DRD5: variants seen among roughly 807,000 people sequenced by gnomAD.
DRD5 encodes dopamine receptor D5, also known as D(1B) dopamine receptor.
For missense variants in DRD5, 758 were observed against 657.8 expected (o/e 1.15, Z -1.67); for synonymous variants, 327 against 277.1 (o/e 1.18, Z -1.79).
At position 9,782,253 on chromosome 4, in the gene DRD5, T is replaced by C. The variant is rs151282040; in HGVS notation, c.224T>C (p.Met75Thr). ...IVRSRHLRAN[M>T]TNVFIVSLAV... is the part of the protein sequence containing the mutation. Reference sequence around the variant, plus strand: ...CGGAGCCGCCACCTGCGCGCCAACATGACCAACGTCTTCATCGTGTCTCTG... The same window carrying C: ...CGGAGCCGCCACCTGCGCGCCAACACGACCAACGTCTTCATCGTGTCTCTG... The change falls in exon 1 of 1, where the codon ATG becomes ACG. Residue 75 changes from methionine to threonine, a missense_variant. Physicochemically the swap from Met to Thr is moderately conservative, Grantham distance 81. Transcript: ENST00000304374. 1,648 of 1,613,618 alleles carry C rather than the reference T, an allele frequency of 1.0e-3. 5 individuals are homozygous for C. The highest frequency in any genetic ancestry group is 6.1e-3 in the Middle Eastern group (36 of 5,888).
At position 9,781,972 on chromosome 4, in the gene DRD5, G is replaced by A. The variant is rs990837435; in HGVS notation, c.-58G>A. On this transcript the variant is annotated 5_prime_UTR_variant, in exon 1 of 1. An upstream open reading frame in the 5' UTR gains an earlier in-frame stop. Transcript: ENST00000304374. ...TCGGGGTGCCCGATGGGGCTGCCTGGGGGTCGCAGGGCTGAAGTTGGGACC... is the reference window on the plus strand; with the variant it reads ...TCGGGGTGCCCGATGGGGCTGCCTGAGGGTCGCAGGGCTGAAGTTGGGACC... The A allele has an allele frequency of 4.0e-5, 54 of 1,359,346 alleles. No homozygotes were observed. In the African/African-American group the frequency reaches 7.7e-4, roughly 19 times the overall value. The allele number at this position is 1,359,346 out of a possible 1,614,324, so 84.2% of individuals were successfully genotyped here.
rs541886645 is a variant in DRD5, at chr4:9,782,369, G to A, written c.340G>A (p.Asp114Asn). The A allele has an allele frequency of 3.6e-5, 58 of 1,614,056 alleles. No individual in the cohort carries two copies. The highest frequency in any genetic ancestry group is 4.7e-5 in the Non-Finnish European group (56 of 1,179,884). The change falls in exon 1 of 1, where the codon GAC becomes AAC. Residue 114 changes from aspartate (D) to asparagine (N), a missense_variant. By Grantham distance (23) the Asp-to-Asn change is conservative. Coordinates refer to ENST00000304374, the MANE Select transcript of DRD5 (RefSeq NM_000798.5). ...TTACTGGCCCTTTGGAGCGTTCTGC[G>A]ACGTCTGGGTGGCCTTCGACATCAT... Reference protein sequence around the residue: ...AGYWPFGAFCDVWVAFDIMCS... With the variant: ...AGYWPFGAFCNVWVAFDIMCS...
In DRD5 at chr4:9,781,760, G is replaced by A. The variant is rs1469718352; in HGVS notation, c.-270G>A. The A allele has an allele frequency of 1.3e-5, 5 of 396,334 alleles. No individual in the cohort carries two copies. Among genetic ancestry groups the A allele is most frequent in the Non-Finnish European group, 1.8e-5 (4 of 225,602 alleles). 24.6% of individuals were successfully genotyped at this position (396,334 alleles called of 1,614,324 possible). On this transcript the variant is annotated 5_prime_UTR_variant, in exon 1 of 1. Coordinates refer to ENST00000304374, the MANE Select transcript of DRD5 (RefSeq NM_000798.5). ...GGCGCGCTACAGACTCCCGAGAACA[G>A]CCCTGGCTGTCAGCGAGCACCAGCC...
At position 9,783,301 on chromosome 4, in the gene DRD5, G is replaced by A. The variant is rs764839927; in HGVS notation, c.1272G>A (p.Glu424=). 5.6e-6 allele frequency: 9 copies of A among 1,614,124 alleles called. No individual in the cohort carries two copies. The South Asian group carries it at 6.6e-5, about 12-fold the overall frequency. ...ACGCCGTTACCCCCGGCAACCGGGA[G>A]GTGGACAACGACGAGGAGGAGGGTC... ...MPNAVTPGNR[E]VDNDEEEGPF... Residue 424 remains glutamate (E), a synonymous_variant, in exon 1 of 1, where the codon GAG becomes GAA. Transcript: ENST00000304374.
Position 9,782,920 on chromosome 4 carries a change from C to A in DRD5, c.891C>A (p.Thr297=). Residue 297 remains threonine, a synonymous_variant, in exon 1 of 1, where the codon ACC becomes ACA. Coordinates refer to ENST00000304374, the MANE Select transcript of DRD5 (RefSeq NM_000798.5). ...SIKKETKVLK[T]LSVIMGVFVC... ...AGAAGGAGACCAAGGTTCTCAAGAC[C>A]CTGTCGGTGATCATGGGGGTCTTCG... is the stretch of plus-strand genomic sequence containing the variant. 1.9e-6 allele frequency: 3 copies of A among 1,613,968 alleles called. No homozygotes were observed. The East Asian group carries it at 6.7e-5, about 36-fold the overall frequency.
rs746250000 is a variant in DRD5, at chr4:9,782,869, C to G, written c.840C>G (p.Pro280=). Reference sequence around the variant, plus strand: ...GCCGGAGCAGCGCAGCCTGCGCGCCCGACACCAGCCTGCGCGCTTCCATCA... The same window carrying G: ...GCCGGAGCAGCGCAGCCTGCGCGCCGGACACCAGCCTGCGCGCTTCCATCA... ...QSCRSSAACA[P]DTSLRASIKK... The change falls in exon 1 of 1, where the codon CCC becomes CCG. Residue 280 remains proline (P), a synonymous_variant. Transcript: ENST00000304374. 2 of 1,613,574 alleles carry G rather than the reference C, an allele frequency of 1.2e-6. No individual in the cohort carries two copies. The highest frequency in any genetic ancestry group is 1.7e-6 in the Non-Finnish European group (2 of 1,179,840).
rs1405515071 is a variant in DRD5, at chr4:9,781,826, G to C, written c.-204G>C. The C allele has an allele frequency of 1.8e-4, 79 of 441,110 alleles. No individual in the cohort carries two copies. The highest frequency in any genetic ancestry group is 2.4e-5 in the Non-Finnish European group (6 of 255,314). The allele number at this position is 441,110 out of a possible 1,614,324, so 27.3% of individuals were successfully genotyped here. A position where few individuals can be genotyped will look rare whatever the true frequency, so the allele number is the denominator to read the frequency against. ...CGCGGAGACTGGAGGGGCGCACCACGGCCATGGAGCCAGAGGCGCTTCAGG... is the reference window on the plus strand; with the variant it reads ...CGCGGAGACTGGAGGGGCGCACCACCGCCATGGAGCCAGAGGCGCTTCAGG... On this transcript the variant is annotated 5_prime_UTR_variant, in exon 1 of 1. Coordinates refer to ENST00000304374, the MANE Select transcript of DRD5 (RefSeq NM_000798.5).
chr4:9,783,410 G>C lies in DRD5; in HGVS notation c.1381G>C (p.Gly461Arg), dbSNP rs540731190. 29 of 1,614,040 alleles carry C rather than the reference G, an allele frequency of 1.8e-5. No homozygotes were observed. In the East Asian group the frequency reaches 4.0e-4, roughly 22 times the overall value. ...GTCTGTCTGGGAGCTGGACTGCGAG[G>C]GGGAGATTTCTTTAGACAAAATAAC... ...AESVWELDCE[G>R]EISLDKITPF... Residue 461 changes from glycine to arginine, a missense_variant, in exon 1 of 1, where the codon GGG (glycine) becomes CGG (arginine). By Grantham distance (125) the Gly-to-Arg change is moderately radical. Transcript: ENST00000304374.
Position 9,782,070 on chromosome 4 carries a change from A to G in DRD5, c.41A>G (p.Gln14Arg). ...AGCAACGGCACCGCGTACCCGGGGC[A>G]GTTCGCTCTATACCAGCAGCTGGCG... ...PGSNGTAYPGQFALYQQLAQG... is the reference protein window; with the variant it reads ...PGSNGTAYPGRFALYQQLAQG... The change falls in exon 1 of 1, where the codon CAG (glutamine) becomes CGG (arginine). Residue 14 changes from glutamine (Q) to arginine (R), a missense_variant. By Grantham distance (43) the Gln-to-Arg change is conservative. Coordinates refer to ENST00000304374, the MANE Select transcript of DRD5 (RefSeq NM_000798.5). 4.7e-6 allele frequency: 7 copies of G among 1,499,104 alleles called. No individual in the cohort carries two copies. In the South Asian group the frequency reaches 8.2e-5, roughly 17 times the overall value. 92.9% of individuals were successfully genotyped at this position (1,499,104 alleles called of 1,614,324 possible). A position where few individuals can be genotyped will look rare whatever the true frequency, so the allele number is the denominator to read the frequency against.
chr4:9,781,738 G>T lies in DRD5; in HGVS notation c.-292G>T. On this transcript the variant is annotated 5_prime_UTR_variant, in exon 1 of 1. Coordinates refer to ENST00000304374, the MANE Select transcript of DRD5 (RefSeq NM_000798.5). ...ACAGCCGCTGCCGCTGCCGTCCGGC[G>T]CGCTACAGACTCCCGAGAACAGCCC... 1 of 350,472 alleles carries T rather than the reference G, an allele frequency of 2.9e-6. No individual in the cohort carries two copies. The allele number at this position is 350,472 out of a possible 1,614,324, so 21.7% of individuals were successfully genotyped here. A position where few individuals can be genotyped will look rare whatever the true frequency, so the allele number is the denominator to read the frequency against.
In DRD5 at chr4:9,782,945, G is replaced by C. The variant is rs572964780; in HGVS notation, c.916G>C (p.Val306Leu). 57 of 1,613,876 alleles carry C rather than the reference G, an allele frequency of 3.5e-5. No individual in the cohort carries two copies. Among genetic ancestry groups the C allele is most frequent in the Middle Eastern group, 3.4e-4 (2 of 5,960 alleles). ...CCTGTCGGTGATCATGGGGGTCTTC[G>C]TGTGTTGCTGGCTGCCCTTCTTCAT... ...KTLSVIMGVF[V>L]CCWLPFFILN... Residue 306 changes from valine (V) to leucine (L), a missense_variant, in exon 1 of 1, where the codon GTG (valine) becomes CTG (leucine). Transcript: ENST00000304374.
chr4:9,783,552 G>T lies in DRD5; in HGVS notation c.*89G>T. The T allele has an allele frequency of 8.2e-7, 1 of 1,223,018 alleles. No homozygotes were observed. Among genetic ancestry groups the T allele is most frequent in the Non-Finnish European group, 1.1e-6 (1 of 880,060 alleles). The allele number at this position is 1,223,018 out of a possible 1,614,324, so 75.8% of individuals were successfully genotyped here. On this transcript the variant is annotated 3_prime_UTR_variant, in exon 1 of 1. Coordinates refer to ENST00000304374, the MANE Select transcript of DRD5 (RefSeq NM_000798.5). ...ACACGCAAATACATGCCTTTCCAGT[G>T]CTGCTCCCTTTATCATGTGTTTCTG...
chr4:9,783,478 C>G lies in DRD5; in HGVS notation c.*15C>G. ...GATTCCATTAAACTGCATTAAGAAA[C>G]CCCCTCATGGATCTGCATAACCGCA... On this transcript the variant is annotated 3_prime_UTR_variant, in exon 1 of 1. Coordinates refer to ENST00000304374, the MANE Select transcript of DRD5 (RefSeq NM_000798.5). 6.3e-7 allele frequency: 1 copy of G among 1,583,546 alleles called. No individual in the cohort carries two copies. Among genetic ancestry groups the G allele is most frequent in the Admixed American group, 1.7e-5 (1 of 57,680 alleles).
chr4:9,783,553 C>T lies in DRD5; in HGVS notation c.*90C>T, dbSNP rs1441039248. On this transcript the variant is annotated 3_prime_UTR_variant, in exon 1 of 1. Coordinates refer to ENST00000304374, the MANE Select transcript of DRD5 (RefSeq NM_000798.5). ...CACGCAAATACATGCCTTTCCAGTGCTGCTCCCTTTATCATGTGTTTCTGT... is the reference window on the plus strand; with the variant it reads ...CACGCAAATACATGCCTTTCCAGTGTTGCTCCCTTTATCATGTGTTTCTGT... 1.6e-6 allele frequency: 2 copies of T among 1,213,552 alleles called. No homozygotes were observed. The highest frequency in any genetic ancestry group is 2.3e-6 in the Non-Finnish European group (2 of 872,218). The allele number at this position is 1,213,552 out of a possible 1,614,324, so 75.2% of individuals were successfully genotyped here. A position where few individuals can be genotyped will look rare whatever the true frequency, so the allele number is the denominator to read the frequency against.
Position 9,783,150 on chromosome 4 carries a change from G to T in DRD5, c.1121G>T (p.Gly374Val). The T allele has an allele frequency of 1.2e-6, 2 of 1,614,206 alleles. No homozygotes were observed. Among genetic ancestry groups the T allele is most frequent in the Non-Finnish European group, 1.7e-6 (2 of 1,180,046 alleles). ...CAGAAGGTGTTTGCCCAGCTGCTGG[G>T]GTGCAGCCACTTCTGCTCCCGCACG... Reference protein sequence around the residue: ...DFQKVFAQLLGCSHFCSRTPV... With the variant: ...DFQKVFAQLLVCSHFCSRTPV... The change falls in exon 1 of 1, where the codon GGG (glycine) becomes GTG (valine). Residue 374 changes from glycine (G) to valine (V), a missense_variant. Physicochemically the swap from Gly to Val is moderately radical, Grantham distance 109. Transcript: ENST00000304374.
Position 9,781,788 on chromosome 4 carries a change from T to C in DRD5, c.-242T>C, listed in dbSNP as rs536560116. On this transcript the variant is annotated 5_prime_UTR_variant, in exon 1 of 1. Coordinates refer to ENST00000304374, the MANE Select transcript of DRD5 (RefSeq NM_000798.5). Reference sequence around the variant, plus strand: ...CTGGCTGTCAGCGAGCACCAGCCGCTTCCTGTCCCCATCGCGGAGACTGGA... The same window carrying C: ...CTGGCTGTCAGCGAGCACCAGCCGCCTCCTGTCCCCATCGCGGAGACTGGA... 2.4e-4 allele frequency: 103 copies of C among 420,608 alleles called. No homozygotes were observed. Among genetic ancestry groups the C allele is most frequent in the African/African-American group, 1.8e-3 (90 of 48,690 alleles). The allele number at this position is 420,608 out of a possible 1,614,324, so 26.1% of individuals were successfully genotyped here.
chr4:9,782,556 T>C lies in DRD5; in HGVS notation c.527T>C (p.Val176Ala), dbSNP rs375459639. 228 of 1,613,898 alleles carry C rather than the reference T, an allele frequency of 1.4e-4. No individual in the cohort carries two copies. Among genetic ancestry groups the C allele is most frequent in the Non-Finnish European group, 1.8e-4 (218 of 1,179,854 alleles). The change falls in exon 1 of 1, where the codon GTC becomes GCC. Residue 176 changes from valine (V) to alanine (A), a missense_variant. By Grantham distance (64) the Val-to-Ala change is moderately conservative. Transcript: ENST00000304374. The stretch of plus-strand genomic sequence containing the variant: ...TCCATCCTCATCTCCTTCATTCCGG[T>C]CCAGCTCAACTGGCACAGGGACCAG... ...TLSILISFIP[V>A]QLNWHRDQAA...
rs538877978 is a variant in DRD5 at position 9,782,835 on chromosome 4, C to T, written c.806C>T (p.Ala269Val). ...TCCCTGGAGAGGGCCGCAGAGCACG[C>T]GCAGAGCTGCCGGAGCAGCGCAGCC... Reference protein sequence around the residue: ...ISSLERAAEHAQSCRSSAACA... With the variant: ...ISSLERAAEHVQSCRSSAACA... Residue 269 changes from alanine (A) to valine (V), a missense_variant, in exon 1 of 1, where the codon GCG becomes GTG. Coordinates refer to ENST00000304374, the MANE Select transcript of DRD5 (RefSeq NM_000798.5). The T allele has an allele frequency of 3.5e-4, 558 of 1,612,856 alleles. No homozygotes were observed. The highest frequency in any genetic ancestry group is 4.6e-4 in the Non-Finnish European group (548 of 1,179,600).
chr4:9,783,094 C>A lies in DRD5; in HGVS notation c.1065C>A (p.Asn355Lys), dbSNP rs1718719549. ...TCGGCTGGGCTAACTCCTCACTCAA[C>A]CCCGTCATCTATGCCTTCAACGCCG... ...VWFGWANSSLNPVIYAFNADF... is the reference protein window; with the variant it reads ...VWFGWANSSLKPVIYAFNADF... Residue 355 changes from asparagine to lysine, a missense_variant, in exon 1 of 1, where the codon AAC becomes AAA. Physicochemically the swap from Asn to Lys is moderately conservative, Grantham distance 94. Coordinates refer to ENST00000304374, the MANE Select transcript of DRD5 (RefSeq NM_000798.5). 3.7e-6 allele frequency: 6 copies of A among 1,614,242 alleles called. No individual in the cohort carries two copies. The highest frequency in any genetic ancestry group is 4.2e-6 in the Non-Finnish European group (5 of 1,180,046).
Sources: allele counts gnomAD v4.1 joint callset, GRCh38; gene constraint gnomAD v4.1.1; transcripts MANE v1.5; gene names NCBI Gene and HGNC (gene_info 2026-07-23, HGNC 2026-07-21).